GPC5: variants seen among roughly 807,000 people sequenced by gnomAD.
GPC5 encodes the protein glypican-5.
In GPC5, 47 loss-of-function variants were observed where a neutral mutation model predicts 53.9. That is an observed-to-expected ratio of 0.87 (90% CI 0.69 to 1.11). The LOEUF is 1.11. Among genes scored for constraint, GPC5 ranks in the 50% most tolerant of loss-of-function variants. The pLI is 0.00. For synonymous variants in GPC5, 286 were observed against 263.3 expected (o/e 1.09, Z -0.84); for missense variants, 748 against 713.1 (o/e 1.05, Z -0.56).
At chr13:91,581,215 T>C (rs1391630126) in intron 2 of GPC5, among the ~76,000 whole-genome samples, 2 of 152,216 alleles carry the variant, frequency 1.3e-5, no homozygotes, top group Non-Finnish European at 2.9e-5. Context: ...TGTCTATGTG[T>C]GTGTCCAGTT....
At chr13:91,421,320 A>G (rs900343344) in intron 1 of GPC5, among the ~76,000 whole-genome samples, 2 of 152,168 alleles carry the variant, frequency 1.3e-5, no homozygotes, top group African/African-American at 2.4e-5. Flanking sequence ...TAACAATTGT[A>G]TACTGTGCTG....
chr13:91,428,709 C>T (rs117819539), intron 1 of GPC5, among the ~76,000 whole-genome samples: 2,796 of 151,722 alleles, frequency 0.018, 58 homozygotes, highest in South Asian at 0.048. Context: ...TTTTAAATCT[C>T]GAAATTCAAG....
At chr13:92,764,301 C>T (rs1409042805) in intron 7 of GPC5, among the ~76,000 whole-genome samples, 2 of 152,172 alleles carry the variant, frequency 1.3e-5, no homozygotes, top group East Asian at 3.9e-4. Flanking sequence ...GACAAGACCT[C>T]AGGGATTGAC....
At chr13:92,380,829 A>T (rs2043732909) in intron 7 of GPC5, among the ~76,000 whole-genome samples, 1 of 151,634 alleles carries the variant, frequency 6.6e-6, no homozygotes, top group Non-Finnish European at 1.5e-5. Context: ...TAGTGGGTGC[A>T]GCGCACCAGC....
chr13:92,381,841 G>GTA (rs1566565128), intron 7 of GPC5, among the ~76,000 whole-genome samples: 3 of 62,960 alleles, frequency 4.8e-5, no homozygotes, highest in Admixed American at 1.6e-4. Context: ...ATATTATATT[G>GTA]TATATGATCA....
At chr13:91,927,514 G>T (rs2039780483) in intron 6 of GPC5, among the ~76,000 whole-genome samples, 1 of 151,978 alleles carries the variant, frequency 6.6e-6, no homozygotes, top group Non-Finnish European at 1.5e-5. Flanking sequence ...CAACAAGAGA[G>T]AACTATTGTA....
chr13:91,541,128 T>G (rs756095465), intron 2 of GPC5, among the ~76,000 whole-genome samples: 24 of 152,202 alleles, frequency 1.6e-4, no homozygotes, highest in Non-Finnish European at 2.9e-4. Context: ...TTGAATAACA[T>G]TCTAATGCTC....
intron 6 of GPC5, among the ~76,000 whole-genome samples, chr13:92,105,567 A>T (rs2041503420): frequency 6.6e-6 from 1 of 152,040 alleles, no homozygotes; most frequent in Non-Finnish European, 1.5e-5. Flanking sequence ...TCATGGAATC[A>T]TATTCTTTGT....
intron 6 of GPC5, among the ~76,000 whole-genome samples, chr13:91,938,485 G>C (rs2039892108): frequency 6.6e-6 from 1 of 152,060 alleles, no homozygotes; most frequent in African/African-American, 2.4e-5. Context: ...TTCAACATGA[G>C]ATTTGGAGGG....
chr13:92,278,687 T>A (rs1002048105), intron 7 of GPC5, among the ~76,000 whole-genome samples: 7 of 152,026 alleles, frequency 4.6e-5, no homozygotes, highest in African/African-American at 1.7e-4. Context: ...CTATGGTGCA[T>A]TTTGAGTTAA....
At chr13:92,387,035 G>T (rs887194951) in intron 7 of GPC5, among the ~76,000 whole-genome samples, 6 of 152,036 alleles carry the variant, frequency 3.9e-5, no homozygotes, top group Non-Finnish European at 7.4e-5. Context: ...TCACACTCAT[G>T]TGTCCTAACA....
At chr13:92,577,300 C>T (rs984939731) in intron 7 of GPC5, among the ~76,000 whole-genome samples, 33 of 152,188 alleles carry the variant, frequency 2.2e-4, no homozygotes, top group African/African-American at 7.5e-4. Context: ...GTCAATCTCG[C>T]TTTAGTCCAG....
chr13:92,095,486 T>C (rs2041414754), intron 6 of GPC5, among the ~76,000 whole-genome samples: 1 of 152,090 alleles, frequency 6.6e-6, no homozygotes, highest in Non-Finnish European at 1.5e-5. Flanking sequence ...TAGCTGGGAC[T>C]ACAGGTGCAC....
rs186442978 is a variant in GPC5 at position 92,050,187 on chromosome 13, A to G, written c.1402-94643A>G. On this transcript the variant is annotated intron_variant, in intron 6 of 7. Coordinates refer to ENST00000377067, the MANE Select transcript of GPC5 (RefSeq NM_004466.6). ...TCTTAGCACATGGTACATCATTCCA[A>G]TGATTAAGTAGAGTTCATCCTCATG... Among the ~76,000 whole-genome samples the G allele has an allele frequency of 2.0e-4, 30 of 152,334 alleles. No individual in the cohort carries two copies. In the East Asian group the frequency reaches 5.0e-3, roughly 25 times the overall value.
chr13:92,787,790 T>C (rs1876307985), intron 7 of GPC5, among the ~76,000 whole-genome samples: 1 of 150,526 alleles, frequency 6.6e-6, no homozygotes, highest in South Asian at 2.1e-4. Context: ...GGAGGGAGGA[T>C]TGCTTGAGCC....
In GPC5 at chr13:92,046,121, GA is replaced by G. The variant is rs11443585; in HGVS notation, c.1402-98698del. On this transcript the variant is annotated intron_variant, in intron 6 of 7. Coordinates refer to ENST00000377067, the MANE Select transcript of GPC5 (RefSeq NM_004466.6). ...CAACAGAGTGAGACTATATCAAACA[GA>G]AAAAAAAAAATTCACTAATGTCTCA... Among the ~76,000 whole-genome samples, 1,278 of 147,670 alleles carry G rather than the reference GA, an allele frequency of 8.7e-3. 19 individuals are homozygous for G. Among genetic ancestry groups the G allele is most frequent in the African/African-American group, 0.029 (1,160 of 40,288 alleles).
intron 2 of GPC5, among the ~76,000 whole-genome samples, chr13:91,686,182 G>C (rs1468979255): frequency 1.3e-5 from 2 of 151,926 alleles, no homozygotes; most frequent in African/African-American, 4.8e-5. Flanking sequence ...ACTGCTTAAG[G>C]GAATTTAAAT....
intron 7 of GPC5, among the ~76,000 whole-genome samples, chr13:92,647,550 G>C (rs1032787088): frequency 5.3e-5 from 8 of 152,062 alleles, no homozygotes; most frequent in Admixed American, 5.2e-4. Flanking sequence ...GTTCTGCTCT[G>C]ATTCTGGACA....
intron 2 of GPC5, among the ~76,000 whole-genome samples, chr13:91,525,121 G>C (rs551525483): frequency 6.6e-6 from 1 of 152,096 alleles, no homozygotes; most frequent in Non-Finnish European, 1.5e-5. Flanking sequence ...AATGTGTGCA[G>C]CTTGTTCCTC....
Sources: allele counts gnomAD v4.1 joint callset (sites outside exome capture counted in the v4.1 genomes callset), GRCh38; gene constraint gnomAD v4.1.1; transcripts MANE v1.5; gene names NCBI Gene and HGNC (gene_info 2026-07-23, HGNC 2026-07-21).